Variants in PLXNA2 observed in about 807,000 individuals in gnomAD.
PLXNA2 encodes plexin-A2.
Under a neutral mutation model 193.5 loss-of-function variants are expected in PLXNA2, and 91 were observed. The observed-to-expected ratio is 0.47, with a 90% CI of 0.40 to 0.56. The LOEUF (loss-of-function observed/expected upper bound fraction) is 0.56, where lower values mean the gene tolerates loss of function less well. Among genes scored for constraint, PLXNA2 ranks in the 20% least tolerant of loss-of-function variants. The probability of loss-of-function intolerance (pLI) is 0.00; values close to 1 mark genes in which losing one functional copy is unlikely to be tolerated. For synonymous variants in PLXNA2, 997 were observed against 1,027.3 expected, an observed-to-expected ratio of 0.97 and a Z score of 0.56; for missense variants, 1,995 against 2,503.2, an observed-to-expected ratio of 0.80 and a Z score of 4.33.
chr1:208,210,529 A>G (rs1670907007), intron 2 of PLXNA2, 67 bp from the exon 3 acceptor site: 3 of 1,401,016 alleles, frequency 2.1e-6, no homozygotes, highest in Middle Eastern at 2.5e-4. Context: ...TACACGACCC[A>G]TATCCACAAC....
rs1278450982 is a variant in PLXNA2, at chr1:208,026,618, T to A, written c.*625A>T. The A allele has an allele frequency of 6.6e-6, 1 of 151,678 alleles. No homozygotes were observed. The highest frequency in any genetic ancestry group is 1.5e-5 in the Non-Finnish European group (1 of 67,960). 9.4% of individuals were successfully genotyped at this position (151,678 alleles called of 1,614,324 possible). ...CTGTTTTTGCGAAGTGTTTGGTGCA[T>A]ACTTGTGCTCATCATTCTTCTTCTC... is the stretch of plus-strand genomic sequence containing the variant. On this transcript the variant is annotated 3_prime_UTR_variant, in exon 32 of 32. Coordinates refer to ENST00000367033, the MANE Select transcript of PLXNA2 (RefSeq NM_025179.4).
rs772367876 is a variant in PLXNA2, at chr1:208,045,176, G to A, written c.3530C>T (p.Ala1177Val). ...GATGAGCACAGTGTAGTTGAGTTTG[G>A]CCCCTCCAGAGGCAGGAGGGCAGAG... ...KNLCPPASGG[A>V]KLNYTVLIGE... Residue 1177 changes from alanine (A) to valine (V), a missense_variant, in exon 19 of 32, where the codon GCC (alanine) becomes GTC (valine). Physicochemically the swap from Ala to Val is moderately conservative, Grantham distance 64 (BLOSUM62 0). Around this residue, in one of 3 missense-constraint regions of PLXNA2, gnomAD observed 1,291 missense variants for 1,673.6 expected, o/e 0.77. Coordinates refer to ENST00000367033, the MANE Select transcript of PLXNA2 (RefSeq NM_025179.4). The A allele has an allele frequency of 1.2e-6, 2 of 1,613,980 alleles. No homozygotes were observed. Among genetic ancestry groups the A allele is most frequent in the African/African-American group, 2.7e-5 (2 of 74,906 alleles).
At chr1:208,160,115 C>T (rs1423553018) in intron 3 of PLXNA2, among the ~76,000 whole-genome samples, 1 of 152,200 alleles carries the variant, frequency 6.6e-6, no homozygotes, top group Non-Finnish European at 1.5e-5. Context: ...GCCAGTGAAA[C>T]CCAACCCGTC....
chr1:208,163,543 A>G (rs1355211715), intron 3 of PLXNA2, among the ~76,000 whole-genome samples: 2 of 152,182 alleles, frequency 1.3e-5, no homozygotes, highest in Non-Finnish European at 2.9e-5. Flanking sequence ...GGTGGCCCCA[A>G]GGGGCATGGG....
chr1:208,170,002 G>C (rs377759016), intron 3 of PLXNA2, among the ~76,000 whole-genome samples: 16 of 152,240 alleles, frequency 1.1e-4, no homozygotes, highest in African/African-American at 3.6e-4. Flanking sequence ...CCAGCTAGGC[G>C]TGGGGTGCTC....
Position 208,028,783 on chromosome 1 carries a change from T to C in PLXNA2, c.5438+47A>G, listed in dbSNP as rs371163280. On this transcript the variant is annotated intron_variant, in intron 30 of 31. Coordinates refer to ENST00000367033, the MANE Select transcript of PLXNA2 (RefSeq NM_025179.4). The surrounding 1 kb of genome is among the most constrained non-coding windows in gnomAD (Gnocchi z 4.2). ...TCAGTGATGACTATAGAGCGGGGAA[T>C]GGGCAGGGAGACAAGGGCATGGGCC... The C allele has an allele frequency of 1.2e-5, 19 of 1,545,412 alleles. No individual in the cohort carries two copies. The highest frequency in any genetic ancestry group is 2.1e-4 in the Middle Eastern group (1 of 4,702).
intron 1 of PLXNA2, among the ~76,000 whole-genome samples, chr1:208,223,770 G>C (rs1355983707): frequency 1.3e-5 from 2 of 152,216 alleles, no homozygotes; most frequent in African/African-American, 2.4e-5. Context: ...AGCTACAGCA[G>C]AAGGGATTAA....
intron 3 of PLXNA2, among the ~76,000 whole-genome samples, chr1:208,161,606 A>G (rs1031806056): frequency 2.6e-5 from 4 of 152,180 alleles, no homozygotes; most frequent in African/African-American, 9.6e-5. Context: ...CCTATGGTGC[A>G]CGAGTGTCCT....
intron 4 of PLXNA2, among the ~76,000 whole-genome samples, chr1:208,129,576 C>G (rs546532951): frequency 6.6e-6 from 1 of 152,356 alleles, no homozygotes; most frequent in Admixed American, 6.5e-5. Flanking sequence ...AACTCTCTCA[C>G]ACTCCCAAGC....
At chr1:208,126,989 T>G (rs1299016380) in intron 4 of PLXNA2, among the ~76,000 whole-genome samples, 2 of 152,206 alleles carry the variant, frequency 1.3e-5, no homozygotes, top group Non-Finnish European at 1.5e-5. Flanking sequence ...AAGGAATTAA[T>G]GAATAAACGA....
At chr1:208,174,137 G>A (rs950192280) in intron 3 of PLXNA2, among the ~76,000 whole-genome samples, 4 of 152,254 alleles carry the variant, frequency 2.6e-5, no homozygotes, top group African/African-American at 9.6e-5. Context: ...GACGTGACTG[G>A]TTTTTGCAAA....
intron 26 of PLXNA2, among the ~76,000 whole-genome samples, chr1:208,037,294 G>T (rs1195978381): frequency 1.3e-5 from 2 of 152,180 alleles, no homozygotes; most frequent in Non-Finnish European, 2.9e-5. Flanking sequence ...TCTAGGCAGG[G>T]TGTCAGGATG....
chr1:208,055,177 A>G (rs1052408779), intron 13 of PLXNA2, among the ~76,000 whole-genome samples: 1 of 152,150 alleles, frequency 6.6e-6, no homozygotes, highest in South Asian at 2.1e-4. Flanking sequence ...CTCTCACTTC[A>G]TCAAGGGCTG....
At chr1:208,151,407 A>G (rs1668757880) in intron 3 of PLXNA2, among the ~76,000 whole-genome samples, 1 of 151,960 alleles carries the variant, frequency 6.6e-6, no homozygotes. Flanking sequence ...ATTTAGAGCC[A>G]CTCTTTCAGG....
chr1:208,219,941 A>G (rs1038821195), intron 1 of PLXNA2, among the ~76,000 whole-genome samples: 13 of 152,352 alleles, frequency 8.5e-5, no homozygotes, highest in African/African-American at 3.1e-4. Flanking sequence ...CTATGTCCTG[A>G]GGCCGGTAGC....
At chr1:208,108,935 G>A (rs573528535) in intron 4 of PLXNA2, among the ~76,000 whole-genome samples, 3 of 152,318 alleles carry the variant, frequency 2.0e-5, no homozygotes, top group South Asian at 4.1e-4. Flanking sequence ...GAGACACAGA[G>A]GGATGAAAGG....
intron 14 of PLXNA2, 84 bp from the exon 15 acceptor site, chr1:208,052,547 T>A: frequency 7.2e-7 from 1 of 1,393,660 alleles, no homozygotes; most frequent in Non-Finnish European, 1.0e-6. Context: ...ATGGGAGAGA[T>A]TGTTTTCATT....
chr1:208,042,438 GA>G (rs1043559504), intron 21 of PLXNA2, 72 bp from the exon 22 acceptor site: 2 of 1,532,848 alleles, frequency 1.3e-6, no homozygotes, highest in African/African-American at 2.7e-5. Context: ...GGGTCTCACT[GA>G]GGGCCTGCTG....
intron 29 of PLXNA2, chr1:208,030,402 C>G: frequency 1.0e-6 from 1 of 985,676 alleles, no homozygotes; most frequent in Non-Finnish European, 1.2e-6. Context: ...AGTGCCCTCT[C>G]CCAGCGCTGG....
Sources: gnomAD v4.1 joint callset for allele counts (sites outside exome capture counted in the v4.1 genomes callset) on GRCh38, gnomAD v4.1.1 for gene constraint, gnomAD v4.1.1 regional missense constraint, Gnocchi (gnomAD v3.1) non-coding constraint, MANE v1.5 for transcripts, NCBI Gene and HGNC (gene_info 2026-07-23, HGNC 2026-07-21) for gene names.